The following RUNDC3B variants were observed in gnomAD, a reference collection of about 807,000 sequenced individuals.
The protein encoded by RUNDC3B is RUN domain containing 3B, also known as RUN domain-containing protein 3B.
RUNDC3B carries 33 observed loss-of-function variants against 58.4 expected under a neutral mutation model. The observed-to-expected ratio is 0.56, with a 90% CI of 0.43 to 0.75. The LOEUF (loss-of-function observed/expected upper bound fraction) is 0.75. Ranked by LOEUF, RUNDC3B falls within the 30% of genes least tolerant of loss-of-function variation. The pLI is 0.00. For missense variants in RUNDC3B, 501 were observed against 535.7 expected (o/e 0.94, Z 0.64); for synonymous variants, 193 against 195.2 (o/e 0.99, Z 0.10).
chr7:87,735,291 T>G (rs1831859733), intron 4 of RUNDC3B, among the ~76,000 whole-genome samples: 1 of 152,184 alleles, frequency 6.6e-6, no homozygotes, highest in Admixed American at 6.5e-5. Flanking sequence ...TTTATTTACC[T>G]TTATCTCCAT....
At chr7:87,726,445 G>A (rs1364036972) in intron 4 of RUNDC3B, among the ~76,000 whole-genome samples, 13 of 152,052 alleles carry the variant, frequency 8.5e-5, no homozygotes, top group Non-Finnish European at 1.5e-4. Context: ...TGTTCCATTG[G>A]TCTATATATC....
chr7:87,753,567 G>T (rs1380504281), intron 6 of RUNDC3B, among the ~76,000 whole-genome samples: 1 of 152,158 alleles, frequency 6.6e-6, no homozygotes, highest in Non-Finnish European at 1.5e-5. Flanking sequence ...CCTGCATTGG[G>T]TGCATATATA....
chr7:87,731,990 C>T (rs1192832566), intron 4 of RUNDC3B, among the ~76,000 whole-genome samples: 1 of 152,140 alleles, frequency 6.6e-6, no homozygotes, highest in Non-Finnish European at 1.5e-5. Flanking sequence ...GCCCATGGAT[C>T]ATTTTGAAGG....
chr7:87,760,007 T>C (rs776564911), intron 6 of RUNDC3B, among the ~76,000 whole-genome samples: 5 of 151,912 alleles, frequency 3.3e-5, no homozygotes, highest in Non-Finnish European at 7.4e-5. Context: ...AAATAAATAA[T>C]TTGGTTTTAG....
intron 2 of RUNDC3B, among the ~76,000 whole-genome samples, chr7:87,662,064 T>C (rs1433606269): frequency 6.6e-6 from 1 of 152,152 alleles, no homozygotes. Flanking sequence ...TTGAGAAACA[T>C]CTATTCTGAT....
intron 4 of RUNDC3B, among the ~76,000 whole-genome samples, chr7:87,722,411 A>G (rs1830958498): frequency 1.3e-5 from 2 of 152,136 alleles, no homozygotes; most frequent in Non-Finnish European, 1.5e-5. Context: ...TATAAGGTCA[A>G]CATTTTAAAG....
intron 6 of RUNDC3B, among the ~76,000 whole-genome samples, chr7:87,769,146 A>G (rs550713707): frequency 6.6e-6 from 1 of 150,806 alleles, no homozygotes; most frequent in South Asian, 2.1e-4. Flanking sequence ...GATTACAGGC[A>G]TGTGCCACCA....
intron 4 of RUNDC3B, among the ~76,000 whole-genome samples, chr7:87,732,161 T>C (rs541975009): frequency 6.6e-6 from 1 of 152,118 alleles, no homozygotes; most frequent in Admixed American, 6.6e-5. Flanking sequence ...CTCAAATAAC[T>C]AGTGGGTCAG....
chr7:87,694,509 G>C (rs1000778545), intron 2 of RUNDC3B, among the ~76,000 whole-genome samples: 17 of 152,120 alleles, frequency 1.1e-4, no homozygotes, highest in Admixed American at 5.9e-4. Flanking sequence ...TTTTTAAATA[G>C]TAGAACGAAA....
rs1838058279 is a variant in RUNDC3B, at chr7:87,830,191, CAT to C, written c.*163_*164del. On this transcript the variant is annotated 3_prime_UTR_variant, in exon 11 of 11. Coordinates refer to ENST00000394654, the MANE Select transcript of RUNDC3B (RefSeq NM_001134405.2). ...CAGATAAGAGATTTTGAGTGAAAAA[CAT>C]AATGATCCTGCCATTTTTCATTTTT... The C allele has an allele frequency of 2.6e-6, 1 of 391,686 alleles. No homozygotes were observed. The highest frequency in any genetic ancestry group is 2.1e-5 in the African/African-American group (1 of 48,236). The allele number at this position is 391,686 out of a possible 1,614,324, so 24.3% of individuals were successfully genotyped here. A position where few individuals can be genotyped will look rare whatever the true frequency, so the allele number is the denominator to read the frequency against.
At chr7:87,707,789 A>C (rs527898115) in intron 3 of RUNDC3B, among the ~76,000 whole-genome samples, 1 of 152,198 alleles carries the variant, frequency 6.6e-6, no homozygotes, top group Non-Finnish European at 1.5e-5. Flanking sequence ...GCCATAGTTT[A>C]TCTCAGTGAA....
At position 87,689,992 on chromosome 7, in the gene RUNDC3B, A is replaced by T. The variant is rs544805364; in HGVS notation, c.239-10429A>T. On this transcript the variant is annotated intron_variant, in intron 2 of 10. Coordinates refer to ENST00000394654, the MANE Select transcript of RUNDC3B (RefSeq NM_001134405.2). ...AAATAGCTGTCATAGATTTTTTTTT[A>T]AAAATTTTTAAATTTTTTATAGAGA... is the stretch of plus-strand genomic sequence containing the variant. 3.6e-3 allele frequency among the ~76,000 whole-genome samples: 543 copies of T among 151,868 alleles called. 1 individual carries two copies. Among genetic ancestry groups the T allele is most frequent in the Non-Finnish European group, 4.6e-3 (315 of 67,922 alleles).
At chr7:87,637,755 T>A (rs2130257908) in intron 1 of RUNDC3B, among the ~76,000 whole-genome samples, 1 of 152,236 alleles carries the variant, frequency 6.6e-6, no homozygotes, top group East Asian at 1.9e-4. Context: ...TTTAAAATAC[T>A]GGTCTTATAT....
At chr7:87,741,645 TG>T in intron 6 of RUNDC3B, 66 bp downstream of exon 6, 1 of 906,320 alleles carries the variant, frequency 1.1e-6, no homozygotes, top group Non-Finnish European at 1.7e-6. Context: ...GTGCAATGTT[TG>T]TCTGATCAAA....
At chr7:87,756,216 G>T (rs1584117499) in intron 6 of RUNDC3B, among the ~76,000 whole-genome samples, 1 of 151,696 alleles carries the variant, frequency 6.6e-6, no homozygotes, top group Admixed American at 6.6e-5. Flanking sequence ...CTTCTTTCTT[G>T]GTTTTCTACT....
At chr7:87,820,241 CAG>C (rs1435843447) in intron 10 of RUNDC3B, among the ~76,000 whole-genome samples, 1 of 152,178 alleles carries the variant, frequency 6.6e-6, no homozygotes, top group Non-Finnish European at 1.5e-5. Context: ...AAACTACCAT[CAG>C]AGAATACTAC....
rs1043511599 is a variant in RUNDC3B at position 87,693,234 on chromosome 7, A to T, written c.239-7187A>T. Among the ~76,000 whole-genome samples, 4 of 152,310 alleles carry T rather than the reference A, an allele frequency of 2.6e-5. No homozygotes were observed. In the South Asian group the frequency reaches 6.2e-4, roughly 24 times the overall value. On this transcript the variant is annotated intron_variant, in intron 2 of 10. Coordinates refer to ENST00000394654, the MANE Select transcript of RUNDC3B (RefSeq NM_001134405.2). ...TTTCAGTTGGTGATTGTTAAATAAG[A>T]GTTAGAAGCTGTAACAAATAAAACA...
Position 87,798,713 on chromosome 7 carries a change from T to C in RUNDC3B, c.957-8660T>C, listed in dbSNP as rs143839986. ...TTTTTTTTAAGTTCTAAATTACTCA[T>C]TAATGTCTCTTTCTTCTTAAAGGAT... is the stretch of plus-strand genomic sequence containing the variant. On this transcript the variant is annotated intron_variant, in intron 8 of 10. Transcript: ENST00000394654. Among the ~76,000 whole-genome samples the C allele has an allele frequency of 3.8e-3, 583 of 152,312 alleles. 3 individuals are homozygous for C. The highest frequency in any genetic ancestry group is 0.014 in the African/African-American group (563 of 41,578).
intron 2 of RUNDC3B, among the ~76,000 whole-genome samples, chr7:87,691,111 T>C (rs1827977384): frequency 6.6e-6 from 1 of 152,086 alleles, no homozygotes. Context: ...GAAGAATAAA[T>C]ATCATATTCA....
Sources: allele counts gnomAD v4.1 joint callset (sites outside exome capture counted in the v4.1 genomes callset), GRCh38; gene constraint gnomAD v4.1.1; transcripts MANE v1.5; gene names NCBI Gene and HGNC (gene_info 2026-07-23, HGNC 2026-07-21).